Variants in RICTOR observed in about 807,000 individuals in gnomAD.
RICTOR encodes rapamycin-insensitive companion of mTOR.
Under a neutral mutation model 214.9 loss-of-function variants are expected in RICTOR, and 49 were observed. The observed-to-expected ratio is 0.23, with a 90% CI of 0.18 to 0.29. The LOEUF (loss-of-function observed/expected upper bound fraction) is 0.29. Among genes scored for constraint, RICTOR ranks in the 10% least tolerant of loss-of-function variants. The pLI is 1.00. For synonymous variants in RICTOR, 717 were observed against 711.3 expected (o/e 1.01, Z -0.13); for missense variants, 1,625 against 2,047.0 (o/e 0.79, Z 3.98).
chr5:39,058,823 A>G (rs1255197034), intron 2 of RICTOR, among the ~76,000 whole-genome samples: 1 of 152,160 alleles, frequency 6.6e-6, no homozygotes, highest in Non-Finnish European at 1.5e-5. Flanking sequence ...CTACTAGATT[A>G]CAATTCTAAT....
chr5:38,942,293 T>C lies in RICTOR; in HGVS notation c.*11A>G, dbSNP rs762621443. 1 of 1,539,530 alleles carries C rather than the reference T, an allele frequency of 6.5e-7. No homozygotes were observed. The highest frequency in any genetic ancestry group is 8.9e-7 in the Non-Finnish European group (1 of 1,117,574). ...ATATAGTATGTATCTATATCCATCA[T>C]AAATATGAGGTCAGGATTCAGCAGA... On this transcript the variant is annotated 3_prime_UTR_variant, in exon 38 of 38. Coordinates refer to ENST00000357387, the MANE Select transcript of RICTOR (RefSeq NM_152756.5).
rs1366327640 is a variant in RICTOR, at chr5:38,953,108, C to A, written c.2791-17G>T. 3 of 1,491,152 alleles carry A rather than the reference C, an allele frequency of 2.0e-6. No homozygotes were observed. Among genetic ancestry groups the A allele is most frequent in the Non-Finnish European group, 9.3e-7 (1 of 1,071,102 alleles). The allele number at this position is 1,491,152 out of a possible 1,614,324, so 92.4% of individuals were successfully genotyped here. Reference sequence around the variant, plus strand: ...GATATTTCCCTGAAAGAAAAGAAATCACTTACATCAAATATAAGAGTCACT... The same window carrying A: ...GATATTTCCCTGAAAGAAAAGAAATAACTTACATCAAATATAAGAGTCACT... On this transcript the variant is annotated splice_polypyrimidine_tract_variant and intron_variant, in intron 28 of 37. Coordinates refer to ENST00000357387, the MANE Select transcript of RICTOR (RefSeq NM_152756.5).
At chr5:39,035,695 G>A (rs560137677) in intron 2 of RICTOR, among the ~76,000 whole-genome samples, 61 of 152,304 alleles carry the variant, frequency 4.0e-4, no homozygotes, top group Non-Finnish European at 6.9e-4. Context: ...TAGCCGATTC[G>A]ATCAACTGGA....
chr5:38,968,880 T>C (rs958060404), intron 11 of RICTOR, among the ~76,000 whole-genome samples: 1 of 151,350 alleles, frequency 6.6e-6, no homozygotes, highest in East Asian at 1.9e-4. Context: ...ATTCCAGACA[T>C]ACAAGGTATG....
chr5:38,968,089 A>T (rs1427540532), intron 11 of RICTOR, 59 bp from the exon 12 acceptor site: 6 of 936,784 alleles, frequency 6.4e-6, no homozygotes, highest in Non-Finnish European at 1.1e-5. Context: ...AAGATTTTTA[A>T]ATGTCCTATT....
chr5:39,038,599 G>C (rs1285351118), intron 2 of RICTOR, among the ~76,000 whole-genome samples: 1 of 152,212 alleles, frequency 6.6e-6, no homozygotes, highest in Non-Finnish European at 1.5e-5. Flanking sequence ...ATCTCCTTAA[G>C]CTGATAAGTA....
chr5:39,044,736 A>G (rs1757376928), intron 2 of RICTOR, among the ~76,000 whole-genome samples: 1 of 152,200 alleles, frequency 6.6e-6, no homozygotes, highest in Admixed American at 6.5e-5. Flanking sequence ...TAACATGGCA[A>G]TGCATAGGAA....
intron 2 of RICTOR, among the ~76,000 whole-genome samples, chr5:39,029,301 GATAC>G (rs1756092344): frequency 6.6e-6 from 1 of 151,490 alleles, no homozygotes; most frequent in Non-Finnish European, 1.5e-5. Flanking sequence ...CATATACAAA[GATAC>G]ATAATACATA....
intron 2 of RICTOR, among the ~76,000 whole-genome samples, chr5:39,051,956 C>T (rs1013558089): frequency 6.6e-6 from 1 of 152,124 alleles, no homozygotes; most frequent in Non-Finnish European, 1.5e-5. Flanking sequence ...AACATGCATT[C>T]AATAGAAACC....
At chr5:38,959,045 C>CTA in intron 22 of RICTOR, 150 bp downstream of exon 22, 1 of 663,504 alleles carries the variant, frequency 1.5e-6, no homozygotes, top group South Asian at 2.9e-5. Flanking sequence ...AATCTGAGTA[C>CTA]TATATGCAGT....
chr5:39,027,611 T>C (rs1291224302), intron 2 of RICTOR, among the ~76,000 whole-genome samples: 1 of 152,218 alleles, frequency 6.6e-6, no homozygotes, highest in East Asian at 1.9e-4. Context: ...CACATATTTA[T>C]GTTAAAGTTT....
intron 6 of RICTOR, among the ~76,000 whole-genome samples, chr5:38,994,594 T>G (rs191186950): frequency 1.8e-3 from 273 of 152,278 alleles, no homozygotes; most frequent in African/African-American, 6.5e-3. Flanking sequence ...CTACCGCTGA[T>G]TCTATATCCC....
chr5:39,057,038 GA>G, intron 2 of RICTOR, among the ~76,000 whole-genome samples: 1 of 152,284 alleles, frequency 6.6e-6, no homozygotes, highest in Admixed American at 6.5e-5. Flanking sequence ...ACAGTGCTGA[GA>G]AAAGAGCAGG....
At chr5:39,063,502 G>T (rs574741139) in intron 2 of RICTOR, among the ~76,000 whole-genome samples, 1 of 152,224 alleles carries the variant, frequency 6.6e-6, no homozygotes, top group South Asian at 2.1e-4. Flanking sequence ...TTATGCAAAG[G>T]TCTTACAATT....
At chr5:39,052,754 G>C (rs931274912) in intron 2 of RICTOR, among the ~76,000 whole-genome samples, 2 of 152,136 alleles carry the variant, frequency 1.3e-5, no homozygotes. Context: ...TACCTTTCTC[G>C]TACCTAGAGA....
Position 39,002,609 on chromosome 5 carries a change from C to G in RICTOR, c.318G>C (p.Ala106=). Residue 106 remains alanine (A), a synonymous_variant, in exon 5 of 38, where the codon GCG becomes GCC. Coordinates refer to ENST00000357387, the MANE Select transcript of RICTOR (RefSeq NM_152756.5). ...AKEVRAAGLR[A]LRYLIQDSSI... ...TGGAGTCTTGGATGAGATATCGAAGCGCTCGTAGCCCTGCTGCTCGCACTT... is the reference window on the plus strand; with the variant it reads ...TGGAGTCTTGGATGAGATATCGAAGGGCTCGTAGCCCTGCTGCTCGCACTT... The G allele has an allele frequency of 6.2e-7, 1 of 1,610,342 alleles. No homozygotes were observed. Among genetic ancestry groups the G allele is most frequent in the Non-Finnish European group, 8.5e-7 (1 of 1,177,778 alleles).
intron 2 of RICTOR, among the ~76,000 whole-genome samples, chr5:39,045,272 T>A (rs1200455060): frequency 6.6e-6 from 1 of 152,088 alleles, no homozygotes; most frequent in Non-Finnish European, 1.5e-5. Flanking sequence ...AAAGAAATGT[T>A]TTTCATAACA....
intron 19 of RICTOR, 89 bp from the exon 20 acceptor site, chr5:38,960,622 C>T: frequency 7.4e-7 from 1 of 1,343,764 alleles, no homozygotes; most frequent in Non-Finnish European, 1.0e-6. Context: ...ATAAGGCTTT[C>T]AGAATATGTT....
chr5:39,006,345 A>G (rs772195903), intron 3 of RICTOR, among the ~76,000 whole-genome samples: 2 of 152,156 alleles, frequency 1.3e-5, no homozygotes, highest in Non-Finnish European at 2.9e-5. Context: ...TGCCAGTTTA[A>G]TCTAGATATG....
Sources: gnomAD v4.1 joint callset for allele counts (sites outside exome capture counted in the v4.1 genomes callset) on GRCh38, gnomAD v4.1.1 for gene constraint, MANE v1.5 for transcripts, NCBI Gene and HGNC (gene_info 2026-07-23, HGNC 2026-07-21) for gene names.